KALRN: variants seen among roughly 807,000 people sequenced by gnomAD.
The protein encoded by KALRN is kalirin.
In KALRN, 70 loss-of-function variants were observed where a neutral mutation model predicts 353.7. The observed-to-expected ratio is 0.20, with a 90% CI of 0.16 to 0.24. KALRN has a LOEUF of 0.24. Ranked by LOEUF, KALRN falls within the 10% of genes least tolerant of loss-of-function variation. KALRN has a pLI of 1.00. For missense variants in KALRN, 2,791 were observed against 3,756.7 expected (o/e 0.74, Z 6.72); for synonymous variants, 1,391 against 1,434.8 (o/e 0.97, Z 0.69).
At chr3:124,683,161 C>T (rs769878893) in intron 51 of KALRN, among the ~76,000 whole-genome samples, 1 of 152,140 alleles carries the variant, frequency 6.6e-6, no homozygotes, top group Non-Finnish European at 1.5e-5. Context: ...AAACCAAACA[C>T]AAGGGTACCT....
At chr3:124,647,143 A>G (rs1338698708) in intron 37 of KALRN, among the ~76,000 whole-genome samples, 1 of 151,956 alleles carries the variant, frequency 6.6e-6, no homozygotes, top group Non-Finnish European at 1.5e-5. Flanking sequence ...CTGAGCTCAA[A>G]TGACCCTCTC....
At chr3:124,205,603 A>G (rs1185134620) in intron 1 of KALRN, among the ~76,000 whole-genome samples, 1 of 152,228 alleles carries the variant, frequency 6.6e-6, no homozygotes. Flanking sequence ...GACACAGAGT[A>G]GAAGATAGCG....
intron 1 of KALRN, among the ~76,000 whole-genome samples, chr3:124,224,323 A>G (rs994260900): frequency 8.6e-5 from 13 of 151,644 alleles, no homozygotes; most frequent in Non-Finnish European, 1.8e-4. Flanking sequence ...AAGAAAAAGA[A>G]TTGTCTTGGA....
At chr3:124,078,130 C>T (rs981769026) in intron 1 of KALRN, among the ~76,000 whole-genome samples, 4 of 152,192 alleles carry the variant, frequency 2.6e-5, no homozygotes, top group African/African-American at 9.7e-5. Flanking sequence ...ATCTCTGTGC[C>T]TTTGCTCCTG....
intron 1 of KALRN, among the ~76,000 whole-genome samples, chr3:124,155,611 A>G (rs1392331850): frequency 6.6e-6 from 1 of 152,258 alleles, no homozygotes; most frequent in Non-Finnish European, 1.5e-5. Flanking sequence ...CAAGACAGTT[A>G]AGAAACCATC....
At chr3:124,041,275 T>A (rs2039943788) in intron 1 of KALRN, among the ~76,000 whole-genome samples, 1 of 152,150 alleles carries the variant, frequency 6.6e-6, no homozygotes, top group South Asian at 2.1e-4. Context: ...TTAACATCTG[T>A]GTAAGATGAG....
At chr3:124,678,997 A>G (rs2087507874) in intron 50 of KALRN, among the ~76,000 whole-genome samples, 1 of 150,926 alleles carries the variant, frequency 6.6e-6, no homozygotes. Flanking sequence ...CCAATGGACA[A>G]TGGAAACTAG....
chr3:124,051,264 C>T (rs2041015147), intron 1 of KALRN, among the ~76,000 whole-genome samples: 1 of 152,122 alleles, frequency 6.6e-6, no homozygotes, highest in East Asian at 1.9e-4. Context: ...AGATGGATTA[C>T]ATTATAGAGC....
At chr3:124,678,752 A>C in intron 50 of KALRN, 1 of 158,866 alleles carries the variant, frequency 6.3e-6, no homozygotes, top group Non-Finnish European at 1.4e-5. Flanking sequence ...CTGTGTCCTT[A>C]GTAAAGTTTC....
At chr3:124,155,393 C>G (rs1243565270) in intron 1 of KALRN, among the ~76,000 whole-genome samples, 1 of 152,136 alleles carries the variant, frequency 6.6e-6, no homozygotes, top group African/African-American at 2.4e-5. Context: ...GAGGTGCCAC[C>G]AAGTAGTTGA....
intron 33 of KALRN, among the ~76,000 whole-genome samples, chr3:124,536,468 C>G (rs1001094296): frequency 6.6e-6 from 1 of 152,216 alleles, no homozygotes; most frequent in Non-Finnish European, 1.5e-5. Flanking sequence ...TCCCAAAATG[C>G]TGGGATTATA....
chr3:124,525,315 C>A (rs998073599), intron 33 of KALRN, among the ~76,000 whole-genome samples: 4 of 152,162 alleles, frequency 2.6e-5, no homozygotes, highest in Admixed American at 6.5e-5. Flanking sequence ...GAAAGTTATT[C>A]TATCTGTAAG....
At chr3:124,073,749 A>C (rs1283504820) in intron 1 of KALRN, among the ~76,000 whole-genome samples, 1 of 152,168 alleles carries the variant, frequency 6.6e-6, no homozygotes, top group African/African-American at 2.4e-5. Flanking sequence ...CTGTTTGGCA[A>C]ATGAGGATAT....
Position 124,656,733 on chromosome 3 carries a change from G to C in KALRN, c.5863-715G>C, listed in dbSNP as rs996172029. On this transcript the variant is annotated intron_variant, in intron 39 of 59. Coordinates refer to ENST00000682506, the MANE Select transcript of KALRN (RefSeq NM_001388419.1). ...CCATCCTGTGAAATCTGCTGACTTA[G>C]GGTTTTGTATTTGCTTATTCTGAAT... 5.9e-5 allele frequency among the ~76,000 whole-genome samples: 9 copies of C among 152,322 alleles called. No individual in the cohort carries two copies. The East Asian group carries it at 1.7e-3, about 29-fold the overall frequency.
At position 124,053,961 on chromosome 3, in the gene KALRN, T is replaced by TG. The variant is rs535317131; in HGVS notation, c.73+20154dup. On this transcript the variant is annotated intron_variant, in intron 1 of 59. Coordinates refer to ENST00000682506, the MANE Select transcript of KALRN (RefSeq NM_001388419.1). ...GGAACAGTGTCTGCCATGTGCAAAA[T>TG]GGGGGGAAATCCCCAGGCCTCTAGC... Among the ~76,000 whole-genome samples the TG allele has an allele frequency of 4.1e-4, 62 of 152,274 alleles. No homozygotes were observed. In the East Asian group the frequency reaches 9.8e-3, roughly 24 times the overall value.
At chr3:124,665,425 A>G (rs778221266) in intron 45 of KALRN, among the ~76,000 whole-genome samples, 6 of 152,088 alleles carry the variant, frequency 3.9e-5, no homozygotes, top group Admixed American at 3.3e-4. Context: ...AGCTGGAATC[A>G]TTTTTATTTT....
intron 57 of KALRN, among the ~76,000 whole-genome samples, chr3:124,707,091 C>A (rs546031469): frequency 3.6e-4 from 55 of 152,166 alleles, no homozygotes; most frequent in Admixed American, 1.2e-3. Context: ...GTAATCCCAG[C>A]ACTTTGGGAG....
chr3:124,691,045 A>G (rs781025425), intron 51 of KALRN, among the ~76,000 whole-genome samples: 6 of 152,240 alleles, frequency 3.9e-5, no homozygotes, highest in Non-Finnish European at 8.8e-5. Context: ...GCCCTGAGGT[A>G]CAAAGGTGAG....
At chr3:124,701,588 A>G (rs1004901034) in intron 56 of KALRN, among the ~76,000 whole-genome samples, 1 of 151,894 alleles carries the variant, frequency 6.6e-6, no homozygotes, top group Non-Finnish European at 1.5e-5. Context: ...GGGTCTTGCT[A>G]TGTGGCTCAG....
Sources: allele counts gnomAD v4.1 joint callset (sites outside exome capture counted in the v4.1 genomes callset), GRCh38; gene constraint gnomAD v4.1.1; transcripts MANE v1.5; gene names NCBI Gene and HGNC (gene_info 2026-07-23, HGNC 2026-07-21).